Variants in AMBRA1 observed in about 807,000 individuals in gnomAD.
The protein encoded by AMBRA1 is autophagy and beclin 1 regulator 1.
In AMBRA1, 47 loss-of-function variants were observed where a neutral mutation model predicts 125.4. That is an observed-to-expected ratio of 0.37 (90% CI 0.30 to 0.48). The LOEUF (loss-of-function observed/expected upper bound fraction) is 0.48, where lower values mean the gene tolerates loss of function less well. Among genes scored for constraint, AMBRA1 ranks in the 20% least tolerant of loss-of-function variants. The pLI is 0.99. For missense variants in AMBRA1, 1,331 were observed against 1,693.4 expected (o/e 0.79, Z 3.76); for synonymous variants, 626 against 655.5 (o/e 0.95, Z 0.69).
In AMBRA1 at chr11:46,593,902, G is replaced by A. The variant is rs954781180; in HGVS notation, c.-195C>T. On this transcript the variant is annotated 5_prime_UTR_variant, in exon 1 of 18. Transcript: ENST00000683756. The stretch of plus-strand genomic sequence containing the variant: ...CACAGGGAAAAAGAAAGAGGAGACA[G>A]GAATAAAGGAAGGGGTCCGTTCTAC... 71 of 398,422 alleles carry A rather than the reference G, an allele frequency of 1.8e-4. 1 individual carries two copies. Among genetic ancestry groups the A allele is most frequent in the Middle Eastern group, 6.2e-4 (1 of 1,610 alleles). 24.7% of individuals were successfully genotyped at this position (398,422 alleles called of 1,614,324 possible).
In AMBRA1 at chr11:46,397,411, T is replaced by C. The variant is rs759267788; in HGVS notation, c.*39A>G. The C allele has an allele frequency of 5.4e-6, 8 of 1,470,160 alleles. No homozygotes were observed. Among genetic ancestry groups the C allele is most frequent in the African/African-American group, 1.4e-5 (1 of 70,960 alleles). 91.1% of individuals were successfully genotyped at this position (1,470,160 alleles called of 1,614,324 possible). A position where few individuals can be genotyped will look rare whatever the true frequency, so the allele number is the denominator to read the frequency against. On this transcript the variant is annotated 3_prime_UTR_variant, in exon 18 of 18. Coordinates refer to ENST00000683756, the MANE Select transcript of AMBRA1 (RefSeq NM_001387011.1). ...GTCAGCTGTGAGGTCCGGTTTCTGCTTGGCGGTTCGAGGGGAGGCACCAGT... is the reference window on the plus strand; with the variant it reads ...GTCAGCTGTGAGGTCCGGTTTCTGCCTGGCGGTTCGAGGGGAGGCACCAGT...
At chr11:46,514,904 A>G (rs983040523) in intron 7 of AMBRA1, among the ~76,000 whole-genome samples, 2 of 152,194 alleles carry the variant, frequency 1.3e-5, no homozygotes, top group Non-Finnish European at 1.5e-5. Flanking sequence ...AAAAAGGAAA[A>G]TCAAAATTTT....
chr11:46,530,809 C>T (rs1952179155), intron 7 of AMBRA1, among the ~76,000 whole-genome samples: 1 of 152,184 alleles, frequency 6.6e-6, no homozygotes, highest in Non-Finnish European at 1.5e-5. Context: ...ATTTTTATGA[C>T]TCGTGAAAAT....
chr11:46,576,046 T>C (rs538529735), intron 1 of AMBRA1, among the ~76,000 whole-genome samples: 1 of 152,064 alleles, frequency 6.6e-6, no homozygotes, highest in Admixed American at 6.6e-5. Flanking sequence ...AATCACACAC[T>C]CTATGGAAGC....
chr11:46,506,591 C>T (rs1951042906), intron 9 of AMBRA1, among the ~76,000 whole-genome samples: 6 of 152,192 alleles, frequency 3.9e-5, no homozygotes, highest in Admixed American at 3.9e-4. Context: ...GGCCCCAGAC[C>T]TGACCCGGCT....
chr11:46,585,729 G>T, intron 1 of AMBRA1, among the ~76,000 whole-genome samples: 2 of 85,640 alleles, frequency 2.3e-5, no homozygotes, highest in East Asian at 2.7e-4. Flanking sequence ...TATATTCCTA[G>T]CTTCCCAAAT....
intron 1 of AMBRA1, among the ~76,000 whole-genome samples, chr11:46,593,574 C>G (rs1026685358): frequency 6.6e-6 from 1 of 152,312 alleles, no homozygotes; most frequent in East Asian, 1.9e-4. Context: ...TCGCCACACA[C>G]TGGGGGTGCC....
At chr11:46,444,946 A>G (rs1164945870) in intron 11 of AMBRA1, among the ~76,000 whole-genome samples, 1 of 152,146 alleles carries the variant, frequency 6.6e-6, no homozygotes, top group Non-Finnish European at 1.5e-5. Flanking sequence ...TTCAATTTGT[A>G]AGGAAAAGTA....
chr11:46,432,013 A>T (rs945908312), intron 14 of AMBRA1, among the ~76,000 whole-genome samples: 2 of 152,208 alleles, frequency 1.3e-5, no homozygotes, highest in Non-Finnish European at 2.9e-5. Context: ...CCTAGAAATG[A>T]TAAAGAGGAT....
At chr11:46,541,561 A>G (rs1355015737) in intron 7 of AMBRA1, among the ~76,000 whole-genome samples, 1 of 152,206 alleles carries the variant, frequency 6.6e-6, no homozygotes, top group Non-Finnish European at 1.5e-5. Context: ...GTTCTCTTTT[A>G]CTTATTCCTA....
rs150754946 is a variant in AMBRA1, at chr11:46,466,278, C to T, written c.2522-22680G>A. ...AGGAGAATCACTTGAACCCAGGAGG[C>T]GGAGGTTGCAGTGAGCCGAGATCGT... On this transcript the variant is annotated intron_variant, in intron 11 of 17. Coordinates refer to ENST00000683756, the MANE Select transcript of AMBRA1 (RefSeq NM_001387011.1). 4.3e-3 allele frequency among the ~76,000 whole-genome samples: 650 copies of T among 151,310 alleles called. 3 individuals are homozygous for T. The highest frequency in any genetic ancestry group is 0.015 in the African/African-American group (604 of 41,158).
chr11:46,589,137 ATTAC>A (rs1220969854), intron 1 of AMBRA1, among the ~76,000 whole-genome samples: 3 of 152,206 alleles, frequency 2.0e-5, no homozygotes, highest in African/African-American at 7.2e-5. Flanking sequence ...AGATCTCCTG[ATTAC>A]TTAATCTATT....
intron 1 of AMBRA1, among the ~76,000 whole-genome samples, chr11:46,564,595 T>C (rs918379813): frequency 6.6e-6 from 1 of 152,038 alleles, no homozygotes; most frequent in Non-Finnish European, 1.5e-5. Context: ...GCTCTCTTCA[T>C]GTCCTCACAC....
At chr11:46,425,524 G>A (rs865944992) in intron 14 of AMBRA1, among the ~76,000 whole-genome samples, 3 of 152,166 alleles carry the variant, frequency 2.0e-5, no homozygotes, top group African/African-American at 7.2e-5. Flanking sequence ...AGAACCTGGA[G>A]AAACTCACTG....
At chr11:46,398,624 G>A (rs1945569084) in intron 17 of AMBRA1, among the ~76,000 whole-genome samples, 1 of 151,836 alleles carries the variant, frequency 6.6e-6, no homozygotes, top group African/African-American at 2.4e-5. Context: ...AACTACAGGT[G>A]CCCGCCACCA....
At chr11:46,526,529 T>C (rs1473369907) in intron 7 of AMBRA1, among the ~76,000 whole-genome samples, 1 of 90,972 alleles carries the variant, frequency 1.1e-5, no homozygotes, top group African/African-American at 4.2e-5. Context: ...ACAAGAAATA[T>C]AAAAAAAAAA....
At chr11:46,588,421 TGAA>T (rs1386390355) in intron 1 of AMBRA1, among the ~76,000 whole-genome samples, 1 of 152,128 alleles carries the variant, frequency 6.6e-6, no homozygotes, top group Non-Finnish European at 1.5e-5. Flanking sequence ...AGTTAACAAT[TGAA>T]GAGTACTTTA....
rs998356208 is a variant in AMBRA1, at chr11:46,517,428, C to T, written c.2073-4615G>A. 2.1e-5 allele frequency among the ~76,000 whole-genome samples: 3 copies of T among 141,050 alleles called. No homozygotes were observed. The East Asian group carries it at 6.6e-4, about 31-fold the overall frequency. 92.5% of individuals were successfully genotyped at this position (141,050 alleles called of 152,430 possible). A position where few individuals can be genotyped will look rare whatever the true frequency, so the allele number is the denominator to read the frequency against. ...CCTCCCAAAGTGCTAGGATTACAGG[C>T]GTAAGCCACCGCGCCCGGCTAGAAA... On this transcript the variant is annotated intron_variant, in intron 7 of 17. Coordinates refer to ENST00000683756, the MANE Select transcript of AMBRA1 (RefSeq NM_001387011.1).
Position 46,397,646 on chromosome 11 carries a change from T to G in AMBRA1, c.3701A>C (p.Asp1234Ala). ...CTCCCGCCCAGGGGTACCAGGCTGG[T>G]CCCAGGAAGCTGTCCGGGGGCTTAG... is the stretch of plus-strand genomic sequence containing the variant. ...RGLSPRTASW[D>A]QPGTPGREPT... Residue 1234 changes from aspartate to alanine, a missense_variant, in exon 18 of 18, where the codon GAC (aspartate) becomes GCC (alanine). Physicochemically the swap from Asp to Ala is moderately radical, Grantham distance 126 (BLOSUM62 -2). Around this residue, in one of 4 missense-constraint regions of AMBRA1, gnomAD observed 144 missense variants for 133.9 expected, o/e 1.08. Transcript: ENST00000683756. 6.2e-7 allele frequency: 1 copy of G among 1,612,806 alleles called. No individual in the cohort carries two copies. Among genetic ancestry groups the G allele is most frequent in the Non-Finnish European group, 8.5e-7 (1 of 1,179,192 alleles).
Sources: gnomAD v4.1 joint callset for allele counts (sites outside exome capture counted in the v4.1 genomes callset) on GRCh38, gnomAD v4.1.1 for gene constraint, gnomAD v4.1.1 regional missense constraint, MANE v1.5 for transcripts, NCBI Gene and HGNC (gene_info 2026-07-23, HGNC 2026-07-21) for gene names.